The following FBLN2 variants were observed in gnomAD, a reference collection of about 807,000 sequenced individuals.
The protein encoded by FBLN2 is fibulin-2.
FBLN2 carries 81 observed loss-of-function variants against 123.7 expected under a neutral mutation model. The ratio of observed to expected loss-of-function variants is 0.65; its 90% CI spans 0.55 to 0.79. FBLN2 has a LOEUF of 0.79. Among genes scored for constraint, FBLN2 ranks in the 30% least tolerant of loss-of-function variants. The pLI is 0.00. For missense variants in FBLN2, 1,603 were observed against 1,681.3 expected (o/e 0.95, Z 0.81); for synonymous variants, 699 against 701.4 (o/e 1.00, Z 0.05).
At chr3:13,615,550 CCTT>C (rs1705569203) in intron 5 of FBLN2, among the ~76,000 whole-genome samples, 1 of 152,236 alleles carries the variant, frequency 6.6e-6, no homozygotes, top group Admixed American at 6.5e-5. Context: ...AAGGAAGGCT[CCTT>C]CTCAGAGCCT....
rs1209034918 is a variant in FBLN2, at chr3:13,549,155, A to G, written c.-95A>G. On this transcript the variant is annotated 5_prime_UTR_variant, in exon 1 of 18. Transcript: ENST00000404922. ...CAGCCAGGGGCCGCCCGGGCTCTCGACGCGCCGACGGCCGGGCGGACGGAC... is the reference window on the plus strand; with the variant it reads ...CAGCCAGGGGCCGCCCGGGCTCTCGGCGCGCCGACGGCCGGGCGGACGGAC... 2.0e-6 allele frequency: 2 copies of G among 982,042 alleles called. No homozygotes were observed. The highest frequency in any genetic ancestry group is 2.4e-6 in the Non-Finnish European group (2 of 828,750). The allele number at this position is 982,042 out of a possible 1,614,324, so 60.8% of individuals were successfully genotyped here. A position where few individuals can be genotyped will look rare whatever the true frequency, so the allele number is the denominator to read the frequency against.
In FBLN2 at chr3:13,611,031, C is replaced by T. The variant is rs527741104; in HGVS notation, c.1548+1389C>T. Among the ~76,000 whole-genome samples the T allele has an allele frequency of 5.3e-5, 8 of 152,072 alleles. No homozygotes were observed. In the South Asian group the frequency reaches 1.0e-3, roughly 20 times the overall value. On this transcript the variant is annotated intron_variant, in intron 4 of 17. Coordinates refer to ENST00000404922, the MANE Select transcript of FBLN2 (RefSeq NM_001004019.2). ...AAGCAATTCTCCTGCCTCAGCCTCC[C>T]GAGTAGCTGGGATTACAGGCACCTG...
chr3:13,613,262 C>T (rs985051372), intron 4 of FBLN2, among the ~76,000 whole-genome samples: 1 of 152,218 alleles, frequency 6.6e-6, no homozygotes, highest in African/African-American at 2.4e-5. Flanking sequence ...GGGAAATACA[C>T]ACTTTCTCTT....
intron 1 of FBLN2, among the ~76,000 whole-genome samples, chr3:13,557,986 C>T (rs751059905): frequency 6.6e-6 from 1 of 152,182 alleles, no homozygotes; most frequent in Non-Finnish European, 1.5e-5. Flanking sequence ...TTGAGCCCAA[C>T]GGTTATACCA....
chr3:13,602,922 T>G lies in FBLN2; in HGVS notation c.1307-5140T>G, dbSNP rs536618532. On this transcript the variant is annotated intron_variant, in intron 2 of 17. Coordinates refer to ENST00000404922, the MANE Select transcript of FBLN2 (RefSeq NM_001004019.2). ...TTTTTCTTTCTTTCTTTCTTTTTTT[T>G]TTTCCCCAAGACGAGTCTTGCTCTG... Among the ~76,000 whole-genome samples, 162 of 151,736 alleles carry G rather than the reference T, an allele frequency of 1.1e-3. 3 individuals carry two copies. In the South Asian group the frequency reaches 0.032, roughly 30 times the overall value.
At chr3:13,629,619 C>T (rs913039951) in intron 13 of FBLN2, among the ~76,000 whole-genome samples, 4 of 152,188 alleles carry the variant, frequency 2.6e-5, no homozygotes, top group African/African-American at 9.7e-5. Flanking sequence ...GCCTCTTCCT[C>T]TCGCCTTCCT....
Position 13,570,998 on chromosome 3 carries a change from G to A in FBLN2, c.643G>A (p.Glu215Lys). 1 of 1,605,240 alleles carries A rather than the reference G, an allele frequency of 6.2e-7. No homozygotes were observed. The highest frequency in any genetic ancestry group is 1.1e-5 in the South Asian group (1 of 89,658). Residue 215 changes from glutamate to lysine, a missense_variant, in exon 2 of 18, where the codon GAG becomes AAG. Transcript: ENST00000404922. ...GGAAGCAGCAACAGCCCTGGGGGGT[G>A]AGGTCCAGGCGGGTGCAGTCCAGGC... The part of the protein sequence containing the change: ...EVEAATALGG[E>K]VQAGAVQAGA...
rs922165178 is a variant in FBLN2 at position 13,621,235 on chromosome 3, A to G, written c.2156-540A>G. ...GCTGCTCAACTCTGCTGCATTGGAA[A>G]TAATCAAGTGAGTTCCAAACGTGTT... On this transcript the variant is annotated intron_variant, in intron 8 of 17. Coordinates refer to ENST00000404922, the MANE Select transcript of FBLN2 (RefSeq NM_001004019.2). Among the ~76,000 whole-genome samples, 7 of 152,262 alleles carry G rather than the reference A, an allele frequency of 4.6e-5. No individual in the cohort carries two copies. In the East Asian group the frequency reaches 5.8e-4, roughly 13 times the overall value.
At chr3:13,583,704 C>T (rs550522808) in intron 2 of FBLN2, among the ~76,000 whole-genome samples, 41 of 152,340 alleles carry the variant, frequency 2.7e-4, no homozygotes, top group African/African-American at 9.6e-4. Context: ...TAGTCAAGGG[C>T]CACATAAGGA....
rs1442883568 is a variant in FBLN2, at chr3:13,570,990, TG to T, written c.641del (p.Gly214ValfsTer60). 1.9e-6 allele frequency: 3 copies of T among 1,607,572 alleles called. No individual in the cohort carries two copies. The highest frequency in any genetic ancestry group is 1.1e-5 in the South Asian group (1 of 90,010). On this transcript the variant is annotated frameshift_variant, in exon 2 of 18. Coordinates refer to ENST00000404922, the MANE Select transcript of FBLN2 (RefSeq NM_001004019.2). LOFTEE classifies it high-confidence loss of function. ...EVAEVEAATA[L>X]GGEVQAGAVQ... ...GCCGAGGTGGAAGCAGCAACAGCCC[TG>T]GGGGGTGAGGTCCAGGCGGGTGCAG...
At chr3:13,586,264 A>C (rs537586112) in intron 2 of FBLN2, among the ~76,000 whole-genome samples, 1 of 151,910 alleles carries the variant, frequency 6.6e-6, no homozygotes, top group African/African-American at 2.4e-5. Context: ...AGCTCACTGC[A>C]ACCTCTGCCT....
At chr3:13,622,869 C>T (rs757964761) in intron 9 of FBLN2, among the ~76,000 whole-genome samples, 4 of 152,198 alleles carry the variant, frequency 2.6e-5, no homozygotes, top group African/African-American at 4.8e-5. Flanking sequence ...GCGCAGAGGG[C>T]GAGGTCATTC....
At position 13,581,225 on chromosome 3, in the gene FBLN2, G is replaced by A. The variant is rs1039331964; in HGVS notation, c.1306+9564G>A. Among the ~76,000 whole-genome samples the A allele has an allele frequency of 4.0e-5, 6 of 151,746 alleles. No homozygotes were observed. In the South Asian group the frequency reaches 8.3e-4, roughly 21 times the overall value. On this transcript the variant is annotated intron_variant, in intron 2 of 17. Transcript: ENST00000404922. ...GTCAGGGGCGGCAGGTGGGGGGTGGGGGGGAGGTGTGGGCCTGGGGCACTG... is the reference window on the plus strand; with the variant it reads ...GTCAGGGGCGGCAGGTGGGGGGTGGAGGGGAGGTGTGGGCCTGGGGCACTG...
At chr3:13,577,728 G>A (rs548967136) in intron 2 of FBLN2, among the ~76,000 whole-genome samples, 1 of 152,258 alleles carries the variant, frequency 6.6e-6, no homozygotes, top group South Asian at 2.1e-4. Flanking sequence ...GCTGCCCCAG[G>A]TCCACAGAGC....
intron 13 of FBLN2, 37 bp from the exon 14 acceptor site, chr3:13,629,783 G>A (rs1319890526): frequency 2.6e-6 from 4 of 1,545,232 alleles, no homozygotes; most frequent in Admixed American, 2.0e-5. Context: ...TGGCTTTAGG[G>A]CCACCTACCC....
At chr3:13,575,631 T>C (rs1704114676) in intron 2 of FBLN2, among the ~76,000 whole-genome samples, 1 of 152,072 alleles carries the variant, frequency 6.6e-6, no homozygotes, top group African/African-American at 2.4e-5. Context: ...ATAACAAAGC[T>C]GCTCTCTAGG....
intron 2 of FBLN2, among the ~76,000 whole-genome samples, chr3:13,595,345 G>A (rs1442243955): frequency 6.6e-6 from 1 of 152,294 alleles, no homozygotes; most frequent in Admixed American, 6.5e-5. Flanking sequence ...AGTTGGGTGA[G>A]CTCAGGCAGA....
At chr3:13,565,074 T>C (rs12636164) in intron 1 of FBLN2, among the ~76,000 whole-genome samples, 14,025 of 152,224 alleles carry the variant, frequency 0.092, 672 homozygotes, top group South Asian at 0.16. Flanking sequence ...ACTCACACTG[T>C]GTGCTGAGTC....
At chr3:13,602,331 T>C (rs1400780125) in intron 2 of FBLN2, among the ~76,000 whole-genome samples, 1 of 152,226 alleles carries the variant, frequency 6.6e-6, no homozygotes, top group Non-Finnish European at 1.5e-5. Flanking sequence ...TATTAGAACT[T>C]TGAAGTGTAT....
Sources: gnomAD v4.1 joint callset for allele counts (sites outside exome capture counted in the v4.1 genomes callset) on GRCh38, gnomAD v4.1.1 for gene constraint, MANE v1.5 for transcripts, NCBI Gene and HGNC (gene_info 2026-07-23, HGNC 2026-07-21) for gene names.